Variants in COPE observed in about 807,000 individuals in gnomAD.
COPE encodes the protein coat protein complex I subunit epsilon.
COPE carries 19 observed loss-of-function variants against 42.1 expected under a neutral mutation model. That is an observed-to-expected ratio of 0.45 (90% confidence interval 0.31 to 0.66). COPE has a LOEUF of 0.66. Among genes scored for constraint, COPE ranks in the 30% least tolerant of loss-of-function variants. The pLI, the probability that COPE is intolerant of heterozygous loss-of-function variation, is 0.05. For missense variants in COPE, 402 were observed against 416.1 expected (o/e 0.97, Z 0.30); for synonymous variants, 195 against 181.3 (o/e 1.08, Z -0.60).
At chr19:18,901,379 C>T (rs541941724) in intron 7 of COPE, among the ~76,000 whole-genome samples, 13 of 152,324 alleles carry the variant, frequency 8.5e-5, no homozygotes, top group South Asian at 6.2e-4. Flanking sequence ...TGGAGGAGGG[C>T]GCCAGTCTTG....
At chr19:18,909,873 A>G (rs923812653) in intron 3 of COPE, among the ~76,000 whole-genome samples, 2 of 152,132 alleles carry the variant, frequency 1.3e-5, no homozygotes, top group Non-Finnish European at 1.5e-5. Context: ...TAAATCCAGC[A>G]TGTCTTCATC....
intron 6 of COPE, 77 bp from the exon 7 acceptor site, chr19:18,903,500 G>A (rs2056729279): frequency 2.0e-6 from 3 of 1,502,418 alleles, no homozygotes; most frequent in East Asian, 4.9e-5. Flanking sequence ...CCCCTAGCGG[G>A]GGGGACTCCA....
At chr19:18,905,457 T>C in intron 5 of COPE, 119 bp downstream of exon 5, 1 of 1,037,534 alleles carries the variant, frequency 9.6e-7, no homozygotes, top group South Asian at 1.8e-5. Flanking sequence ...GCCACCCCCA[T>C]GGAAAGGAAA....
intron 3 of COPE, among the ~76,000 whole-genome samples, chr19:18,908,480 G>GT (rs753107409): frequency 5.3e-5 from 8 of 151,442 alleles, no homozygotes; most frequent in Non-Finnish European, 1.2e-4. Flanking sequence ...GAGCCCAGGA[G>GT]TTTGAGACCA....
At chr19:18,907,775 G>A (rs2056774356) in intron 3 of COPE, among the ~76,000 whole-genome samples, 1 of 152,218 alleles carries the variant, frequency 6.6e-6, no homozygotes, top group South Asian at 2.1e-4. Flanking sequence ...GGCCACCCTA[G>A]ACCAAAGCTG....
In COPE at chr19:18,906,233, A is replaced by G. The variant is rs548513461; in HGVS notation, c.444-604T>C. ...GAGTCAGGGTCTGGCTCTGCCACCC[A>G]GGCTGGAGTGCAGTGGCACCATCAC... On this transcript the variant is annotated intron_variant, in intron 4 of 9. Transcript: ENST00000262812. The G allele has an allele frequency of 5.1e-5, 16 of 312,402 alleles. 1 individual carries two copies. The highest frequency in any genetic ancestry group is 2.1e-4 in the African/African-American group (10 of 46,934). 19.4% of individuals were successfully genotyped at this position (312,402 alleles called of 1,614,324 possible).
At position 18,905,580 on chromosome 19, in the gene COPE, C is replaced by T. The variant is rs368880349; in HGVS notation, c.493G>A (p.Ala165Thr). 28 of 1,590,534 alleles carry T rather than the reference C, an allele frequency of 1.8e-5. No individual in the cohort carries two copies. Among genetic ancestry groups the T allele is most frequent in the African/African-American group, 8.0e-5 (6 of 74,760 alleles). Residue 165 changes from alanine (A) to threonine (T), a missense_variant, in exon 5 of 10, where the codon GCC becomes ACC. By Grantham distance (58) the Ala-to-Thr change is moderately conservative. Transcript: ENST00000262812. ...ILLKLDRLDLARKELKRMQDL... is the reference protein window; with the variant it reads ...ILLKLDRLDLTRKELKRMQDL... ...GAGAGGGGCAGGAGGGCTCACCGGG[C>T]GAGGTCCAGGCGGTCCAGCTTCAGC...
intron 1 of COPE, among the ~76,000 whole-genome samples, chr19:18,913,786 C>T (rs1419856945): frequency 6.6e-6 from 1 of 152,168 alleles, no homozygotes; most frequent in Non-Finnish European, 1.5e-5. Flanking sequence ...ACCTTGGCAT[C>T]GCCACTCCAA....
chr19:18,905,824 G>C (rs992199769), intron 4 of COPE, 195 bp from the exon 5 acceptor site: 6 of 577,564 alleles, frequency 1.0e-5, no homozygotes, highest in East Asian at 3.3e-5. Flanking sequence ...AGGAGCTCTG[G>C]GGGAGGTACC....
chr19:18,903,554 G>C, intron 6 of COPE, 131 bp from the exon 7 acceptor site: 2 of 1,061,354 alleles, frequency 1.9e-6, no homozygotes, highest in African/African-American at 3.3e-5. Context: ...TCAAGGCACA[G>C]CCACTCCGCC....
At chr19:18,914,634 A>G (rs1159572893) in intron 1 of COPE, among the ~76,000 whole-genome samples, 1 of 152,068 alleles carries the variant, frequency 6.6e-6, no homozygotes, top group Admixed American at 6.6e-5. Flanking sequence ...TCAGTTAAAA[A>G]AGACAGGCCA....
chr19:18,913,233 G>A (rs2056827128), intron 1 of COPE, among the ~76,000 whole-genome samples, 187 bp from the exon 2 acceptor site: 1 of 152,146 alleles, frequency 6.6e-6, no homozygotes, highest in African/African-American at 2.4e-5. Context: ...CTACACGGGG[G>A]GTGCCTGATC....
chr19:18,902,793 G>GA (rs146837423), intron 7 of COPE, among the ~76,000 whole-genome samples: 1,565 of 33,390 alleles, frequency 0.047, 251 homozygotes, highest in Non-Finnish European at 0.066. Context: ...AGGAAGGAAG[G>GA]AAGGAAGGAA....
intron 3 of COPE, 129 bp from the exon 4 acceptor site, chr19:18,907,241 G>A: frequency 1.0e-6 from 1 of 981,786 alleles, no homozygotes; most frequent in Non-Finnish European, 1.5e-6. Context: ...AGCAGCAGCA[G>A]GCCGAGCATC....
At position 18,919,230 on chromosome 19, in the gene COPE, C is replaced by A; in HGVS notation, c.119G>T (p.Arg40Leu). 45 of 1,611,924 alleles carry A rather than the reference C, an allele frequency of 2.8e-5. No individual in the cohort carries two copies. The highest frequency in any genetic ancestry group is 3.8e-5 in the Non-Finnish European group (45 of 1,178,924). ...GCCCCTGCGCGGCCGCACCTTCACC[C>A]GCTGCGCCTCGTTTATGCACTGCTG... is the stretch of plus-strand genomic sequence containing the variant. ...SYQQCINEAQRVKLSSPERDV... is the reference protein window; with the variant it reads ...SYQQCINEAQLVKLSSPERDV... Residue 40 changes from arginine (R) to leucine (L), a missense_variant, in exon 1 of 10, where the codon CGG (arginine) becomes CTG (leucine). Physicochemically the swap from Arg to Leu is moderately radical, Grantham distance 102. Coordinates refer to ENST00000262812, the MANE Select transcript of COPE (RefSeq NM_007263.4).
At chr19:18,918,709 G>C (rs918840517) in intron 1 of COPE, among the ~76,000 whole-genome samples, 3 of 152,124 alleles carry the variant, frequency 2.0e-5, no homozygotes, top group African/African-American at 7.2e-5. Flanking sequence ...AATTACAGGC[G>C]TTTGAGCCAC....
chr19:18,910,201 C>T (rs78890951), intron 3 of COPE, among the ~76,000 whole-genome samples: 30,885 of 152,186 alleles, frequency 0.2, 4,487 homozygotes, highest in African/African-American at 0.41. Context: ...CCTTGGCTGC[C>T]GCCCATGGGC....
chr19:18,917,745 A>C (rs2056867011), intron 1 of COPE, among the ~76,000 whole-genome samples: 1 of 152,152 alleles, frequency 6.6e-6, no homozygotes, highest in Non-Finnish European at 1.5e-5. Context: ...AGAGAGTGGG[A>C]AGAAAATTTC....
intron 1 of COPE, among the ~76,000 whole-genome samples, chr19:18,916,053 C>T (rs181442409): frequency 4.6e-5 from 7 of 152,262 alleles, no homozygotes; most frequent in East Asian, 1.9e-4. Context: ...GGTGTGGTGG[C>T]GCACGCCTGT....
Sources: allele counts gnomAD v4.1 joint callset (sites outside exome capture counted in the v4.1 genomes callset), GRCh38; gene constraint gnomAD v4.1.1; transcripts MANE v1.5; gene names NCBI Gene and HGNC (gene_info 2026-07-23, HGNC 2026-07-21).